The following ZNF354C variants were observed in gnomAD, a reference collection of about 807,000 sequenced individuals.
The protein encoded by ZNF354C is zinc finger protein 354C, also known as KRAB-zinc finger protein synten.
ZNF354C carries 7 observed loss-of-function variants against 12.4 expected under a neutral mutation model. The observed-to-expected ratio is 0.56, with a 90% CI of 0.32 to 1.06. The LOEUF is 1.06. Among genes scored for constraint, ZNF354C ranks in the 50% least tolerant of loss-of-function variants. The probability of loss-of-function intolerance (pLI) is 0.04; values close to 1 mark genes in which losing one functional copy is unlikely to be tolerated. For missense variants in ZNF354C, 609 were observed against 658.0 expected, an observed-to-expected ratio of 0.93 and a Z score of 0.81; for synonymous variants, 202 against 224.5, an observed-to-expected ratio of 0.90 and a Z score of 0.90.
In ZNF354C at chr5:179,083,031, C is replaced by T. The variant is rs1053920876; in HGVS notation, c.*2934C>T. 6 of 779,932 alleles carry T rather than the reference C, an allele frequency of 7.7e-6. No individual in the cohort carries two copies. In the African/African-American group the frequency reaches 8.7e-5, roughly 11 times the overall value. 48.3% of individuals were successfully genotyped at this position (779,932 alleles called of 1,614,324 possible). On this transcript the variant is annotated 3_prime_UTR_variant, in exon 5 of 5. Transcript: ENST00000315475. ...AATGAAGCCAAACTGATCTTGCACACATTCCACTGGCCCTACGCAGGGGTG... is the reference window on the plus strand; with the variant it reads ...AATGAAGCCAAACTGATCTTGCACATATTCCACTGGCCCTACGCAGGGGTG...
At chr5:179,064,109 GA>G (rs1761929830) in intron 2 of ZNF354C, among the ~76,000 whole-genome samples, 1 of 152,256 alleles carries the variant, frequency 6.6e-6, no homozygotes, top group Non-Finnish European at 1.5e-5. Context: ...CACAGCAGGA[GA>G]GACTTACTTC....
At position 179,082,824 on chromosome 5, in the gene ZNF354C, C is replaced by T. The variant is rs760393030; in HGVS notation, c.*2727C>T. 6 of 1,302,486 alleles carry T rather than the reference C, an allele frequency of 4.6e-6. No individual in the cohort carries two copies. Among genetic ancestry groups the T allele is most frequent in the African/African-American group, 2.9e-5 (2 of 68,740 alleles). The allele number at this position is 1,302,486 out of a possible 1,614,324, so 80.7% of individuals were successfully genotyped here. On this transcript the variant is annotated 3_prime_UTR_variant, in exon 5 of 5. Transcript: ENST00000315475. ...CAAGCGACTGACCAACCGATCAGGT[C>T]GAGGAGCTGCAACAGCCTTGGGGCC... is the stretch of plus-strand genomic sequence containing the variant.
rs1762213004 is a variant in ZNF354C, at chr5:179,080,490, T to C, written c.*393T>C. 1 of 152,916 alleles carries C rather than the reference T, an allele frequency of 6.5e-6. No individual in the cohort carries two copies. The highest frequency in any genetic ancestry group is 2.4e-5 in the African/African-American group (1 of 41,498). 9.5% of individuals were successfully genotyped at this position (152,916 alleles called of 1,614,324 possible). Reference sequence around the variant, plus strand: ...TAATGTAAATAAGTGTGTGGCCTTCTTTAAAATAGCTGGCTAACATAGGAG... The same window carrying C: ...TAATGTAAATAAGTGTGTGGCCTTCCTTAAAATAGCTGGCTAACATAGGAG... On this transcript the variant is annotated 3_prime_UTR_variant, in exon 5 of 5. Coordinates refer to ENST00000315475, the MANE Select transcript of ZNF354C (RefSeq NM_014594.3).
Position 179,079,698 on chromosome 5 carries a change from C to A in ZNF354C, c.1266C>A (p.Asn422Lys). The change falls in exon 5 of 5, where the codon AAC becomes AAA. Residue 422 changes from asparagine (N) to lysine (K), a missense_variant. Physicochemically the swap from Asn to Lys is moderately conservative, Grantham distance 94 (BLOSUM62 0). Coordinates refer to ENST00000315475, the MANE Select transcript of ZNF354C (RefSeq NM_014594.3). The surrounding 1 kb of genome is among the most constrained non-coding windows in gnomAD (Gnocchi z 4.2). Reference protein sequence around the residue: ...YQCNECEKAFNQYSSFNEHRK... With the variant: ...YQCNECEKAFKQYSSFNEHRK... Reference sequence around the variant, plus strand: ...GCAACGAATGTGAGAAAGCCTTCAACCAGTATTCATCCTTTAATGAACATC... The same window carrying A: ...GCAACGAATGTGAGAAAGCCTTCAAACAGTATTCATCCTTTAATGAACATC... The A allele has an allele frequency of 2.5e-6, 4 of 1,614,184 alleles. No homozygotes were observed. Among genetic ancestry groups the A allele is most frequent in the Non-Finnish European group, 3.4e-6 (4 of 1,180,030 alleles).
Position 179,080,027 on chromosome 5 carries a change from C to G in ZNF354C, c.1595C>G (p.Pro532Arg). The G allele has an allele frequency of 6.2e-7, 1 of 1,611,682 alleles. No homozygotes were observed. Among genetic ancestry groups the G allele is most frequent in the African/African-American group, 1.3e-5 (1 of 74,800 alleles). ...TATAAGTGGAAGGAATATGGGAAACCTTTCATCTGCAGCTCCTCACTTACC... is the reference window on the plus strand; with the variant it reads ...TATAAGTGGAAGGAATATGGGAAACGTTTCATCTGCAGCTCCTCACTTACC... ...KLYKWKEYGK[P>R]FICSSSLTQY... Residue 532 changes from proline (P) to arginine (R), a missense_variant, in exon 5 of 5, where the codon CCT (proline) becomes CGT (arginine). By Grantham distance (103) the Pro-to-Arg change is moderately radical. Coordinates refer to ENST00000315475, the MANE Select transcript of ZNF354C (RefSeq NM_014594.3).
rs1199317036 is a variant in ZNF354C, at chr5:179,071,650, A to G, written c.28-4795A>G. 2.0e-5 allele frequency among the ~76,000 whole-genome samples: 3 copies of G among 152,290 alleles called. No individual in the cohort carries two copies. The South Asian group carries it at 6.2e-4, about 32-fold the overall frequency. On this transcript the variant is annotated intron_variant, in intron 2 of 4. Coordinates refer to ENST00000315475, the MANE Select transcript of ZNF354C (RefSeq NM_014594.3). ...GTAGGCCACAGTCAGCACCAACAGA[A>G]TAATCAAAACTTAGTCACAAACTTG... is the stretch of plus-strand genomic sequence containing the variant.
In ZNF354C at chr5:179,082,590, T is replaced by G. The variant is rs1018991805; in HGVS notation, c.*2493T>G. ...TAAGTATTCCAGATTTCGGGAGGGATGAAGAGGGAGATATTCAGAAACCTT... is the reference window on the plus strand; with the variant it reads ...TAAGTATTCCAGATTTCGGGAGGGAGGAAGAGGGAGATATTCAGAAACCTT... On this transcript the variant is annotated 3_prime_UTR_variant, in exon 5 of 5. Transcript: ENST00000315475. 3.9e-6 allele frequency: 4 copies of G among 1,015,436 alleles called. 1 individual carries two copies. In the African/African-American group the frequency reaches 6.4e-5, roughly 16 times the overall value. 62.9% of individuals were successfully genotyped at this position (1,015,436 alleles called of 1,614,324 possible).
chr5:179,080,074 G>A lies in ZNF354C; in HGVS notation c.1642G>A (p.Gly548Arg). ...SLTQYQRFFK[G>R]DKAYEV is the part of the protein sequence containing the mutation. ...TACCCAGTATCAGAGATTTTTTAAA[G>A]GAGATAAAGCCTATGAGGTTTAGTT... Residue 548 changes from glycine to arginine, a missense_variant, in exon 5 of 5, where the codon GGA becomes AGA. Gly to Arg is a moderately radical substitution (Grantham distance 125). Transcript: ENST00000315475. 1.9e-6 allele frequency: 3 copies of A among 1,586,138 alleles called. No homozygotes were observed. Among genetic ancestry groups the A allele is most frequent in the Non-Finnish European group, 2.6e-6 (3 of 1,170,216 alleles).
intron 2 of ZNF354C, among the ~76,000 whole-genome samples, chr5:179,063,721 A>G (rs1198775942): frequency 4.6e-5 from 7 of 152,264 alleles, no homozygotes; most frequent in Admixed American, 4.6e-4. Flanking sequence ...AGACAGGCAC[A>G]GAGAAGCAAG....
chr5:179,069,816 A>G (rs952780805), intron 2 of ZNF354C, among the ~76,000 whole-genome samples: 4 of 151,162 alleles, frequency 2.6e-5, no homozygotes, highest in African/African-American at 4.9e-5. Flanking sequence ...CAGTGAGCCG[A>G]GATTGCGCCC....
intron 2 of ZNF354C, among the ~76,000 whole-genome samples, chr5:179,062,989 C>T (rs185150538): frequency 9.2e-5 from 14 of 152,264 alleles, no homozygotes; most frequent in South Asian, 6.2e-4. Flanking sequence ...GTCATTCCGA[C>T]GTGGAAGTCC....
intron 2 of ZNF354C, among the ~76,000 whole-genome samples, chr5:179,063,921 G>C (rs1761925954): frequency 6.6e-6 from 1 of 152,224 alleles, no homozygotes; most frequent in South Asian, 2.1e-4. Flanking sequence ...TTTAGGACCT[G>C]CCAGATTTGG....
chr5:179,074,318 G>A (rs895155238), intron 2 of ZNF354C, among the ~76,000 whole-genome samples: 6 of 147,978 alleles, frequency 4.1e-5, no homozygotes, highest in African/African-American at 1.5e-4. Flanking sequence ...AGTAGAGACA[G>A]GGTTTCACTG....
Position 179,077,094 on chromosome 5 carries a change from T to C in ZNF354C, c.178T>C (p.Leu60=), listed in dbSNP as rs1445787009. 6.2e-7 allele frequency: 1 copy of C among 1,614,170 alleles called. No homozygotes were observed. Among genetic ancestry groups the C allele is most frequent in the Non-Finnish European group, 8.5e-7 (1 of 1,180,038 alleles). ...SLGIPFSMPK[L]IHQLQQGEDP... is the part of the protein sequence containing the mutation. Reference sequence around the variant, plus strand: ...AGGGATTCCATTTTCAATGCCAAAGTTGATTCATCAGTTGCAGCAAGGAGA... The same window carrying C: ...AGGGATTCCATTTTCAATGCCAAAGCTGATTCATCAGTTGCAGCAAGGAGA... The change falls in exon 4 of 5, where the codon TTG becomes CTG. Residue 60 remains leucine, a synonymous_variant. Coordinates refer to ENST00000315475, the MANE Select transcript of ZNF354C (RefSeq NM_014594.3).
rs1425852128 is a variant in ZNF354C, at chr5:179,079,385, A to C, written c.953A>C (p.His318Pro). The C allele has an allele frequency of 3.1e-6, 5 of 1,614,176 alleles. No individual in the cohort carries two copies. The highest frequency in any genetic ancestry group is 4.2e-6 in the Non-Finnish European group (5 of 1,180,036). Residue 318 changes from histidine (H) to proline (P), a missense_variant, in exon 5 of 5, where the codon CAT becomes CCT. Coordinates refer to ENST00000315475, the MANE Select transcript of ZNF354C (RefSeq NM_014594.3). This position sits in a 1 kb window ranked among gnomAD's most constrained non-coding sequence, Gnocchi z 4.2. ...AGCCAGTGTTCAACCCTCACTGTACATCAGAGAATTCATACTGGAGAGAAA... is the reference window on the plus strand; with the variant it reads ...AGCCAGTGTTCAACCCTCACTGTACCTCAGAGAATTCATACTGGAGAGAAA... The part of the protein sequence containing the change: ...AFSQCSTLTV[H>P]QRIHTGEKLY...
Position 179,083,684 on chromosome 5 carries a change from C to T in ZNF354C, c.*3587C>T, listed in dbSNP as rs1762258323. ...TCCTTTAAATGGAATGAGCATGTTC[C>T]ACTTTATCTCTCATGCTAAATGTAA... On this transcript the variant is annotated 3_prime_UTR_variant, in exon 5 of 5. Coordinates refer to ENST00000315475, the MANE Select transcript of ZNF354C (RefSeq NM_014594.3). The T allele has an allele frequency of 6.6e-6, 1 of 152,144 alleles. No homozygotes were observed. The highest frequency in any genetic ancestry group is 2.1e-4 in the South Asian group (1 of 4,836). 9.4% of individuals were successfully genotyped at this position (152,144 alleles called of 1,614,324 possible). A position where few individuals can be genotyped will look rare whatever the true frequency, so the allele number is the denominator to read the frequency against.
At chr5:179,077,515 T>A (rs1297595906) in intron 4 of ZNF354C, among the ~76,000 whole-genome samples, 1 of 152,216 alleles carries the variant, frequency 6.6e-6, no homozygotes, top group Non-Finnish European at 1.5e-5. Flanking sequence ...CTGCAGATTT[T>A]CATTATTCTC....
rs1448514037 is a variant in ZNF354C, at chr5:179,083,976, G to A, written c.*3879G>A. ...TATCTTCCTGCTACTTGGACCTGGA[G>A]GTGATGTATCCATGAGGTGTGTAGC... is the stretch of plus-strand genomic sequence containing the variant. On this transcript the variant is annotated 3_prime_UTR_variant, in exon 5 of 5. Transcript: ENST00000315475. Among the ~76,000 whole-genome samples, 4 of 152,122 alleles carry A rather than the reference G, an allele frequency of 2.6e-5. No homozygotes were observed. The highest frequency in any genetic ancestry group is 9.7e-5 in the African/African-American group (4 of 41,428).
chr5:179,076,652 T>G, intron 3 of ZNF354C, 81 bp downstream of exon 3: 1 of 1,557,028 alleles, frequency 6.4e-7, no homozygotes, highest in East Asian at 2.2e-5. Flanking sequence ...GCCTGTGGTC[T>G]TGTACCCTAC....
Sources: gnomAD v4.1 joint callset for allele counts (sites outside exome capture counted in the v4.1 genomes callset) on GRCh38, gnomAD v4.1.1 for gene constraint, Gnocchi (gnomAD v3.1) non-coding constraint, MANE v1.5 for transcripts, NCBI Gene and HGNC (gene_info 2026-07-23, HGNC 2026-07-21) for gene names.